ANO3: variants seen among roughly 807,000 people sequenced by gnomAD.
The protein encoded by ANO3 is anoctamin-3.
ANO3 carries 99 observed loss-of-function variants against 144.8 expected under a neutral mutation model. That is an observed-to-expected ratio of 0.68 (90% CI 0.58 to 0.81). The LOEUF (loss-of-function observed/expected upper bound fraction) is 0.81, where lower values mean the gene tolerates loss of function less well. Among genes scored for constraint, ANO3 ranks in the 30% least tolerant of loss-of-function variants. The pLI is 0.00. For synonymous variants in ANO3, 414 were observed against 392.6 expected (o/e 1.05, Z -0.64); for missense variants, 905 against 1,202.2 (o/e 0.75, Z 3.66).
At chr11:26,521,411 T>C (rs1237723957) in intron 6 of ANO3, among the ~76,000 whole-genome samples, 4 of 152,210 alleles carry the variant, frequency 2.6e-5, no homozygotes, top group Non-Finnish European at 5.9e-5. Context: ...TTTCTGCAAG[T>C]TCTTTTCTTC....
At chr11:26,295,217 TGA>T (rs1353119048) in intron 1 of ANO3, among the ~76,000 whole-genome samples, 5 of 152,058 alleles carry the variant, frequency 3.3e-5, no homozygotes, top group Non-Finnish European at 2.9e-5. Context: ...CTGCCTCAGT[TGA>T]GTCATTTTCT....
chr11:26,509,854 T>TTA (rs1427738811), intron 5 of ANO3, among the ~76,000 whole-genome samples: 2 of 151,922 alleles, frequency 1.3e-5, no homozygotes, highest in Non-Finnish European at 2.9e-5. Flanking sequence ...GAAAAACTAA[T>TTA]CCATTTAGGC....
At chr11:26,609,311 G>A (rs1047382165) in intron 17 of ANO3, among the ~76,000 whole-genome samples, 1 of 151,326 alleles carries the variant, frequency 6.6e-6, no homozygotes, top group East Asian at 2.0e-4. Flanking sequence ...GCAGGTGTAG[G>A]ATTCACATGC....
At chr11:26,225,773 C>T (rs184700969) in intron 1 of ANO3, among the ~76,000 whole-genome samples, 1 of 152,048 alleles carries the variant, frequency 6.6e-6, no homozygotes. Context: ...AAACATTTTT[C>T]TTCTCTAAGC....
At chr11:26,206,000 TTTAAG>T (rs1464671862) in intron 1 of ANO3, among the ~76,000 whole-genome samples, 1 of 152,226 alleles carries the variant, frequency 6.6e-6, no homozygotes, top group Admixed American at 6.5e-5. Context: ...AATTTTATGC[TTTAAG>T]TTTTTATTGA....
intron 18 of ANO3, among the ~76,000 whole-genome samples, chr11:26,632,096 G>A (rs1852800391): frequency 1.3e-5 from 2 of 151,764 alleles, no homozygotes; most frequent in Admixed American, 6.6e-5. Context: ...GGAGGCTGAA[G>A]CAGAAGAATC....
At chr11:26,555,981 T>C (rs1850071565) in intron 13 of ANO3, among the ~76,000 whole-genome samples, 2 of 152,162 alleles carry the variant, frequency 1.3e-5, no homozygotes, top group Non-Finnish European at 2.9e-5. Flanking sequence ...TTCCATATTA[T>C]ATTGAAAAGG....
chr11:26,510,628 C>T (rs1443362358), intron 5 of ANO3, among the ~76,000 whole-genome samples: 1 of 152,204 alleles, frequency 6.6e-6, no homozygotes, highest in Non-Finnish European at 1.5e-5. Context: ...TTTTGGCTAG[C>T]ACTGAGCAAG....
intron 1 of ANO3, among the ~76,000 whole-genome samples, chr11:26,317,458 A>G (rs934700607): frequency 4.6e-5 from 7 of 152,198 alleles, no homozygotes; most frequent in Non-Finnish European, 8.8e-5. Context: ...AAGGATATGA[A>G]CAGACACTTC....
chr11:26,398,632 G>A (rs945735798), intron 1 of ANO3, among the ~76,000 whole-genome samples: 1 of 152,034 alleles, frequency 6.6e-6, no homozygotes, highest in African/African-American at 2.4e-5. Context: ...AGGACTAAGT[G>A]AGAGTAACTG....
intron 24 of ANO3, among the ~76,000 whole-genome samples, chr11:26,653,616 G>A (rs189245522): frequency 5.4e-4 from 82 of 151,814 alleles, no homozygotes; most frequent in African/African-American, 1.8e-3. Flanking sequence ...CTCGTTTTCC[G>A]GCACTATTTC....
At chr11:26,344,269 C>T (rs4923349) in intron 1 of ANO3, among the ~76,000 whole-genome samples, 150,579 of 152,260 alleles carry the variant, frequency 0.99, 74,478 homozygotes, top group Middle Eastern at 1. Context: ...TCTTATAATA[C>T]GAAACAAAAA....
intron 14 of ANO3, chr11:26,572,365 G>A (rs931064038): frequency 1.2e-5 from 5 of 430,192 alleles, no homozygotes; most frequent in Middle Eastern, 1.1e-3. Flanking sequence ...TATTACTCTC[G>A]TCAGTGGTAG....
At chr11:26,243,281 C>A (rs1852701085) in intron 1 of ANO3, among the ~76,000 whole-genome samples, 1 of 151,984 alleles carries the variant, frequency 6.6e-6, no homozygotes, top group Non-Finnish European at 1.5e-5. Flanking sequence ...CTCTCTCTCT[C>A]ACCCTCTCTC....
At chr11:26,399,850 T>C (rs557635686) in intron 1 of ANO3, among the ~76,000 whole-genome samples, 1 of 152,180 alleles carries the variant, frequency 6.6e-6, no homozygotes, top group Non-Finnish European at 1.5e-5. Context: ...TGTTTGTTTC[T>C]TTGCTTCACG....
chr11:26,417,546 A>G (rs979487469), intron 1 of ANO3, among the ~76,000 whole-genome samples: 2 of 152,054 alleles, frequency 1.3e-5, no homozygotes, highest in African/African-American at 4.8e-5. Context: ...AGAGCAACAG[A>G]GTATAGGAAA....
In ANO3 at chr11:26,656,436, C is replaced by T; in HGVS notation, c.2718C>T (p.Tyr906=). The T allele has an allele frequency of 6.2e-7, 1 of 1,612,490 alleles. No individual in the cohort carries two copies. Residue 906 remains tyrosine, a synonymous_variant, in exon 26 of 27, where the codon TAC becomes TAT. Transcript: ENST00000256737. ...SSKPYEFTLQ[Y]WHILAARLAF... is the part of the protein sequence containing the mutation. ...AACCCTATGAGTTTACTTTACAATA[C>T]TGGCATATCCTTGCTGCTAGATTGG...
chr11:26,213,869 T>C (rs1298854011), intron 1 of ANO3, among the ~76,000 whole-genome samples: 1 of 152,066 alleles, frequency 6.6e-6, no homozygotes, highest in African/African-American at 2.4e-5. Context: ...TTTATATACC[T>C]GAAGTGTATT....
chr11:26,514,426 C>T (rs1484075251), intron 5 of ANO3, among the ~76,000 whole-genome samples: 1 of 152,084 alleles, frequency 6.6e-6, no homozygotes, highest in African/African-American at 2.4e-5. Flanking sequence ...TCTTTTATAA[C>T]ATTCACACTC....
Sources: allele counts gnomAD v4.1 joint callset (sites outside exome capture counted in the v4.1 genomes callset), GRCh38; gene constraint gnomAD v4.1.1; transcripts MANE v1.5; gene names NCBI Gene and HGNC (gene_info 2026-07-23, HGNC 2026-07-21).